SLC36A1: variants seen among roughly 807,000 people sequenced by gnomAD.
SLC36A1 encodes solute carrier family 36 member 1.
Under a neutral mutation model 47.5 loss-of-function variants are expected in SLC36A1, and 30 were observed. The observed-to-expected ratio is 0.63, with a 90% CI of 0.47 to 0.86. SLC36A1 has a LOEUF of 0.86. Ranked by LOEUF, SLC36A1 falls within the 40% of genes least tolerant of loss-of-function variation. The pLI, the probability that SLC36A1 is intolerant of heterozygous loss-of-function variation, is 0.00. For missense variants in SLC36A1, 517 were observed against 606.0 expected (o/e 0.85, Z 1.54); for synonymous variants, 255 against 249.7 (o/e 1.02, Z -0.20).
chr5:151,357,404 C>T, the SLC36A1 span, among the ~76,000 whole-genome samples: 1 of 152,220 alleles, frequency 6.6e-6, no homozygotes, highest in East Asian at 1.9e-4. Context: ...ATGGAGCTTC[C>T]ATTGCTGTTT....
At chr5:151,458,016 T>C (rs1022264066) in intron 1 of SLC36A1, among the ~76,000 whole-genome samples, 1 of 151,658 alleles carries the variant, frequency 6.6e-6, no homozygotes, top group Admixed American at 6.6e-5. Context: ...GCCCGGCTAA[T>C]TTTGTATTTT....
intron 4 of SLC36A1, 56 bp from the exon 5 acceptor site, chr5:151,465,018 A>G: frequency 2.1e-5 from 29 of 1,398,152 alleles, no homozygotes; most frequent in South Asian, 1.5e-4. Flanking sequence ...TTGTTCTGTC[A>G]TTGTCATTGT....
the SLC36A1 span, among the ~76,000 whole-genome samples, chr5:151,428,097 C>T: frequency 6.6e-6 from 1 of 152,174 alleles, no homozygotes; most frequent in Non-Finnish European, 1.5e-5. Context: ...TCCCTGGCGG[C>T]AACTCCAGAG....
At chr5:151,441,321 A>C (rs1051023671) in intron 1 of SLC36A1, among the ~76,000 whole-genome samples, 20 of 152,224 alleles carry the variant, frequency 1.3e-4, no homozygotes, top group Non-Finnish European at 2.9e-5. Flanking sequence ...AAAGAAATGG[A>C]GTGCATACTC....
At chr5:151,415,909 C>T in the SLC36A1 span, among the ~76,000 whole-genome samples, 1 of 152,120 alleles carries the variant, frequency 6.6e-6, no homozygotes, top group African/African-American at 2.4e-5. Flanking sequence ...AGTTCGAGAC[C>T]AGCCTGGCTA....
In SLC36A1 at chr5:151,488,429, T is replaced by A; in HGVS notation, c.*175T>A. 2.5e-6 allele frequency: 2 copies of A among 788,252 alleles called. No individual in the cohort carries two copies. Among genetic ancestry groups the A allele is most frequent in the Non-Finnish European group, 3.9e-6 (2 of 507,580 alleles). 48.8% of individuals were successfully genotyped at this position (788,252 alleles called of 1,614,324 possible). A position where few individuals can be genotyped will look rare whatever the true frequency, so the allele number is the denominator to read the frequency against. On this transcript the variant is annotated 3_prime_UTR_variant, in exon 11 of 11. Coordinates refer to ENST00000243389, the MANE Select transcript of SLC36A1 (RefSeq NM_078483.4). ...AGGTAACCTGAGGGCAGGGGAGAGG[T>A]GGGGTGGCAGACACGCAGAAGTGCT...
the SLC36A1 span, chr5:151,521,887 G>T: frequency 6.2e-7 from 1 of 1,614,084 alleles, no homozygotes; most frequent in Non-Finnish European, 8.5e-7. Context: ...CTCCTCTTCT[G>T]CCAGGCTATA....
At chr5:151,441,967 T>G (rs1752658529) in intron 1 of SLC36A1, among the ~76,000 whole-genome samples, 1 of 152,170 alleles carries the variant, frequency 6.6e-6, no homozygotes, top group Non-Finnish European at 1.5e-5. Context: ...CAATGGCTGA[T>G]GTGTGTTTTC....
the SLC36A1 span, chr5:151,380,747 G>A: frequency 1.8e-6 from 1 of 542,176 alleles, no homozygotes; most frequent in Non-Finnish European, 3.8e-6. Flanking sequence ...GAAGTGGGAA[G>A]CCCCTTGCAG....
chr5:151,524,291 C>T, the SLC36A1 span, among the ~76,000 whole-genome samples: 1 of 152,218 alleles, frequency 6.6e-6, no homozygotes, highest in East Asian at 1.9e-4. Flanking sequence ...TGTAAATCAG[C>T]TACTACCAAG....
At chr5:151,481,380 G>A (rs986474381) in intron 10 of SLC36A1, among the ~76,000 whole-genome samples, 2 of 152,220 alleles carry the variant, frequency 1.3e-5, no homozygotes, top group African/African-American at 4.8e-5. Flanking sequence ...GTGGGACTCA[G>A]TAGAGGCCTT....
rs1011702058 is a variant in SLC36A1 at position 151,488,360 on chromosome 5, G to T, written c.*106G>T. ...CCAGGCTCTGAGGAAAGTCAGGGTT[G>T]CTGTGTGGGAACCCCTCTGCCTGGC... On this transcript the variant is annotated 3_prime_UTR_variant, in exon 11 of 11. Coordinates refer to ENST00000243389, the MANE Select transcript of SLC36A1 (RefSeq NM_078483.4). 57 of 1,414,014 alleles carry T rather than the reference G, an allele frequency of 4.0e-5. No individual in the cohort carries two copies. Among genetic ancestry groups the T allele is most frequent in the Non-Finnish European group, 5.3e-5 (55 of 1,047,026 alleles). 87.6% of individuals were successfully genotyped at this position (1,414,014 alleles called of 1,614,324 possible). A position where few individuals can be genotyped will look rare whatever the true frequency, so the allele number is the denominator to read the frequency against.
At chr5:151,457,951 C>T (rs1291671532) in intron 1 of SLC36A1, among the ~76,000 whole-genome samples, 3 of 151,630 alleles carry the variant, frequency 2.0e-5, no homozygotes, top group South Asian at 2.1e-4. Flanking sequence ...CGGTTTCAAG[C>T]GATTCTCCTG....
At chr5:151,477,069 T>C (rs1758172922) in intron 9 of SLC36A1, 2 of 423,318 alleles carry the variant, frequency 4.7e-6, no homozygotes, top group African/African-American at 4.0e-5. Flanking sequence ...GACAGGGAGA[T>C]GGGAGGGCAA....
chr5:151,399,040 GTATA>G, the SLC36A1 span, among the ~76,000 whole-genome samples: 1 of 139,104 alleles, frequency 7.2e-6, no homozygotes, highest in African/African-American at 2.7e-5. Flanking sequence ...TTTAATGTGT[GTATA>G]TATATATGAG....
chr5:151,543,102 C>T, the SLC36A1 span: 975 of 1,614,196 alleles, frequency 6.0e-4, 5 homozygotes, highest in African/African-American at 0.011. Context: ...GTCGTACTGG[C>T]ACCAGAGAGT....
intron 10 of SLC36A1, 96 bp downstream of exon 10, chr5:151,479,585 G>A (rs1758544977): frequency 6.9e-7 from 1 of 1,445,632 alleles, no homozygotes; most frequent in Non-Finnish European, 9.4e-7. Flanking sequence ...TTGTAGTGAA[G>A]CTGGCTATGT....
At chr5:151,527,776 T>G in the SLC36A1 span, among the ~76,000 whole-genome samples, 1 of 152,210 alleles carries the variant, frequency 6.6e-6, no homozygotes, top group Non-Finnish European at 1.5e-5. Context: ...AGAAGCCACC[T>G]GAGGTCCTCT....
chr5:151,550,803 G>A, the SLC36A1 span: 1 of 1,613,832 alleles, frequency 6.2e-7, no homozygotes, highest in Non-Finnish European at 8.5e-7. Context: ...GGGGAACTCT[G>A]ACTTCATAAC....
Sources: allele counts gnomAD v4.1 joint callset (sites outside exome capture counted in the v4.1 genomes callset), GRCh38; gene constraint gnomAD v4.1.1; transcripts MANE v1.5; gene names NCBI Gene and HGNC (gene_info 2026-07-23, HGNC 2026-07-21).